Variants in NAALADL2 observed in about 807,000 individuals in gnomAD.
NAALADL2 encodes inactive N-acetylated-alpha-linked acidic dipeptidase-like protein 2.
A neutral mutation model predicts 87.2 loss-of-function variants in NAALADL2; 76 were observed. The observed-to-expected ratio is 0.87, with a 90% CI of 0.72 to 1.05. The LOEUF is 1.05. NAALADL2 is among the 50% of genes least tolerant of loss of function. The pLI is 0.00. For missense variants in NAALADL2, 1,089 were observed against 945.8 expected (o/e 1.15, Z -1.99); for synonymous variants, 354 against 331.0 (o/e 1.07, Z -0.75).
rs115534862 is a variant in NAALADL2, at chr3:175,125,312, G to T, written c.545+28021G>T. Among the ~76,000 whole-genome samples, 884 of 152,050 alleles carry T rather than the reference G, an allele frequency of 5.8e-3. 5 individuals are homozygous for T. The highest frequency in any genetic ancestry group is 0.02 in the African/African-American group (818 of 41,508). On this transcript the variant is annotated intron_variant, in intron 2 of 13. Coordinates refer to ENST00000454872, the MANE Select transcript of NAALADL2 (RefSeq NM_207015.3). Reference sequence around the variant, plus strand: ...CGAGTTTGTTTTTTTCTCTGAAAAGGTTCCAGAAGCTACTGGAGAATGTTA... The same window carrying T: ...CGAGTTTGTTTTTTTCTCTGAAAAGTTTCCAGAAGCTACTGGAGAATGTTA...
chr3:175,423,171 G>A (rs1169576190), intron 5 of NAALADL2, among the ~76,000 whole-genome samples: 1 of 148,170 alleles, frequency 6.7e-6, no homozygotes, highest in Non-Finnish European at 1.5e-5. Flanking sequence ...GAAAGGGAGG[G>A]GGGGGTCTCT....
intron 3 of NAALADL2, among the ~76,000 whole-genome samples, chr3:174,786,009 G>A (rs1716595557): frequency 6.6e-6 from 1 of 152,130 alleles, no homozygotes; most frequent in African/African-American, 2.4e-5. Flanking sequence ...GGAATTACAT[G>A]ATTAGCTGTG....
At chr3:175,078,028 C>CTT (rs58379991) in intron 1 of NAALADL2, among the ~76,000 whole-genome samples, 1 of 143,850 alleles carries the variant, frequency 7.0e-6, no homozygotes. Flanking sequence ...TCTTTTCTTT[C>CTT]TTTTTTTTTT....
intron 2 of NAALADL2, among the ~76,000 whole-genome samples, chr3:175,098,638 T>G (rs1469877746): frequency 1.3e-5 from 2 of 152,180 alleles, no homozygotes; most frequent in South Asian, 4.1e-4. Flanking sequence ...GACTGCTGAC[T>G]TACAACCTGA....
At chr3:175,620,285 G>T (rs4419389) in intron 10 of NAALADL2, among the ~76,000 whole-genome samples, 2 of 151,982 alleles carry the variant, frequency 1.3e-5, no homozygotes, top group African/African-American at 2.4e-5. Context: ...CTCAGCTCTT[G>T]CTCGCTGGGA....
chr3:175,350,429 A>C (rs16825529), intron 5 of NAALADL2, among the ~76,000 whole-genome samples: 73,940 of 151,910 alleles, frequency 0.49, 18,126 homozygotes, highest in African/African-American at 0.49. Flanking sequence ...GCTAATTTGG[A>C]TGGTGTGTTC....
intron 2 of NAALADL2, among the ~76,000 whole-genome samples, chr3:174,589,092 C>T (rs528666915): frequency 5.8e-4 from 89 of 152,316 alleles, no homozygotes; most frequent in African/African-American, 2.1e-3. Flanking sequence ...ACCCCTCCCC[C>T]AGCCTCGCTG....
At chr3:175,610,374 A>G (rs912698560) in intron 10 of NAALADL2, among the ~76,000 whole-genome samples, 1 of 151,994 alleles carries the variant, frequency 6.6e-6, no homozygotes, top group African/African-American at 2.4e-5. Context: ...TTACATGTTC[A>G]ATGTACAGAT....
intron 1 of NAALADL2, among the ~76,000 whole-genome samples, chr3:174,876,922 G>A (rs755385012): frequency 7.9e-5 from 12 of 152,234 alleles, no homozygotes; most frequent in Non-Finnish European, 1.8e-4. Context: ...AGCAAATGTA[G>A]ATTTGGTGAG....
At chr3:175,442,737 G>GCATA (rs1354455493) in intron 5 of NAALADL2, among the ~76,000 whole-genome samples, 3 of 152,164 alleles carry the variant, frequency 2.0e-5, no homozygotes, top group Non-Finnish European at 4.4e-5. Flanking sequence ...TACAAAGAGT[G>GCATA]CATAACATGA....
At chr3:175,743,317 G>A (rs1745502190) in intron 12 of NAALADL2, among the ~76,000 whole-genome samples, 3 of 152,132 alleles carry the variant, frequency 2.0e-5, no homozygotes, top group South Asian at 2.1e-4. Context: ...ATTCTTTTAT[G>A]GCAGGCTTCA....
At chr3:175,516,728 T>C (rs1731894425) in intron 9 of NAALADL2, among the ~76,000 whole-genome samples, 2 of 152,246 alleles carry the variant, frequency 1.3e-5, no homozygotes, top group African/African-American at 4.8e-5. Context: ...ATTCATTCTC[T>C]GTGGATTGTG....
chr3:174,609,210 T>G (rs1201058866), intron 2 of NAALADL2, among the ~76,000 whole-genome samples: 1 of 152,114 alleles, frequency 6.6e-6, no homozygotes, highest in African/African-American at 2.4e-5. Context: ...CAATATCATA[T>G]TGAATGGGCA....
At chr3:174,723,976 G>A (rs939067921) in intron 2 of NAALADL2, among the ~76,000 whole-genome samples, 2 of 151,898 alleles carry the variant, frequency 1.3e-5, no homozygotes, top group African/African-American at 4.8e-5. Flanking sequence ...ATATGTGTTT[G>A]TTCATAAGTT....
intron 12 of NAALADL2, among the ~76,000 whole-genome samples, chr3:175,742,498 C>T (rs1027679233): frequency 6.6e-5 from 10 of 151,930 alleles, no homozygotes; most frequent in African/African-American, 1.9e-4. Flanking sequence ...CCCGGGTTCA[C>T]GCCATTCTCC....
At chr3:175,528,038 C>T (rs900356234) in intron 9 of NAALADL2, among the ~76,000 whole-genome samples, 9 of 151,902 alleles carry the variant, frequency 5.9e-5, no homozygotes, top group Admixed American at 1.3e-4. Flanking sequence ...AAAAAGTATA[C>T]TCATATTTGC....
chr3:175,200,192 G>A (rs1476451347), intron 2 of NAALADL2, among the ~76,000 whole-genome samples: 1 of 151,802 alleles, frequency 6.6e-6, no homozygotes, highest in Non-Finnish European at 1.5e-5. Flanking sequence ...ATGACTCAGT[G>A]GGCTATGAAT....
chr3:175,351,422 G>T (rs1450112032), intron 5 of NAALADL2, among the ~76,000 whole-genome samples: 1 of 151,624 alleles, frequency 6.6e-6, no homozygotes, highest in East Asian at 1.9e-4. Flanking sequence ...TTATATGTAT[G>T]TATATGCACA....
chr3:175,668,850 A>G (rs1235156693), intron 11 of NAALADL2, among the ~76,000 whole-genome samples: 10 of 152,146 alleles, frequency 6.6e-5, no homozygotes. Context: ...ATGTTTGTGT[A>G]TTTGTTTTTC....
Sources: allele counts gnomAD v4.1 joint callset (sites outside exome capture counted in the v4.1 genomes callset), GRCh38; gene constraint gnomAD v4.1.1; transcripts MANE v1.5; gene names NCBI Gene and HGNC (gene_info 2026-07-23, HGNC 2026-07-21).